PXDNL: variants seen among roughly 807,000 people sequenced by gnomAD.
The protein encoded by PXDNL is peroxidasin like.
A neutral mutation model predicts 150.8 loss-of-function variants in PXDNL; 145 were observed. The observed-to-expected ratio is 0.96, with a 90% CI of 0.84 to 1.10. The LOEUF (loss-of-function observed/expected upper bound fraction) is 1.10, where lower values mean the gene tolerates loss of function less well. Among genes scored for constraint, PXDNL ranks in the 50% least tolerant of loss-of-function variants. PXDNL has a pLI of 0.00. For missense variants in PXDNL, 2,087 were observed against 1,873.9 expected, an observed-to-expected ratio of 1.11 and a Z score of -2.10; for synonymous variants, 757 against 725.7, an observed-to-expected ratio of 1.04 and a Z score of -0.69.
At chr8:51,434,442 G>A (rs573859276) in intron 12 of PXDNL, among the ~76,000 whole-genome samples, 100 of 152,210 alleles carry the variant, frequency 6.6e-4, no homozygotes, top group African/African-American at 2.1e-3. Context: ...TGGAATACAC[G>A]ATATTTACTT....
At chr8:51,615,870 T>C (rs1262584334) in intron 2 of PXDNL, among the ~76,000 whole-genome samples, 3 of 152,216 alleles carry the variant, frequency 2.0e-5, no homozygotes, top group Non-Finnish European at 4.4e-5. Flanking sequence ...CAGTGCATGA[T>C]GACAGTGCAT....
chr8:51,472,141 G>T, intron 8 of PXDNL, 46 bp downstream of exon 8: 1 of 1,243,482 alleles, frequency 8.0e-7, no homozygotes, highest in Non-Finnish European at 1.2e-6. Flanking sequence ...AAAGATTGCT[G>T]GAATCAGAAG....
At chr8:51,326,108 G>T (rs1805476813) in intron 21 of PXDNL, among the ~76,000 whole-genome samples, 1 of 152,128 alleles carries the variant, frequency 6.6e-6, no homozygotes, top group South Asian at 2.1e-4. Flanking sequence ...TGGAGCCCAA[G>T]GTCCCTGATC....
chr8:51,350,021 C>G (rs1356149462), intron 19 of PXDNL, among the ~76,000 whole-genome samples: 5 of 151,990 alleles, frequency 3.3e-5, no homozygotes, highest in Non-Finnish European at 5.9e-5. Context: ...TATGAAACAT[C>G]TCTGTTGTCT....
chr8:51,677,940 AAGG>A (rs1482319849), intron 1 of PXDNL, among the ~76,000 whole-genome samples: 1 of 152,166 alleles, frequency 6.6e-6, no homozygotes, highest in Non-Finnish European at 1.5e-5. Flanking sequence ...CTTCCTCATA[AAGG>A]CTATGATGAG....
chr8:51,675,934 A>G (rs553697712), intron 1 of PXDNL, among the ~76,000 whole-genome samples: 32 of 152,270 alleles, frequency 2.1e-4, no homozygotes, highest in Non-Finnish European at 4.6e-4. Flanking sequence ...AAAGTCACGT[A>G]TATAGATTCA....
chr8:51,420,029 C>G (rs969899604), intron 14 of PXDNL, among the ~76,000 whole-genome samples: 6 of 152,118 alleles, frequency 3.9e-5, no homozygotes, highest in Non-Finnish European at 7.4e-5. Context: ...ATCATAGATG[C>G]CCTGCTATAA....
At chr8:51,534,213 G>C (rs1317693362) in intron 4 of PXDNL, among the ~76,000 whole-genome samples, 1 of 136,618 alleles carries the variant, frequency 7.3e-6, no homozygotes, top group East Asian at 2.3e-4. Context: ...CTGCCCGGCC[G>C]CCCCGTCTGA....
intron 4 of PXDNL, among the ~76,000 whole-genome samples, chr8:51,508,670 G>T (rs915877522): frequency 1.3e-5 from 2 of 152,176 alleles, no homozygotes; most frequent in Admixed American, 6.5e-5. Flanking sequence ...AGGAACATGA[G>T]CACTTTCAGG....
At chr8:51,693,154 C>T (rs759050631) in intron 1 of PXDNL, among the ~76,000 whole-genome samples, 5 of 152,152 alleles carry the variant, frequency 3.3e-5, no homozygotes, top group Non-Finnish European at 7.4e-5. Context: ...TCAATTCTAA[C>T]ATAAAAAGAA....
At chr8:51,776,572 A>T (rs2037356096) in intron 1 of PXDNL, among the ~76,000 whole-genome samples, 1 of 152,106 alleles carries the variant, frequency 6.6e-6, no homozygotes, top group African/African-American at 2.4e-5. Context: ...ACTAAACCTT[A>T]TACAGGCTCC....
chr8:51,567,868 T>C (rs1219494999), intron 3 of PXDNL, among the ~76,000 whole-genome samples: 2 of 151,752 alleles, frequency 1.3e-5, no homozygotes, highest in Admixed American at 6.6e-5. Context: ...TAATACCTAA[T>C]ACAATATAAA....
chr8:51,591,112 AC>A (rs11358506), intron 3 of PXDNL, among the ~76,000 whole-genome samples: 71,949 of 151,802 alleles, frequency 0.47, 21,358 homozygotes, highest in African/African-American at 0.84. Flanking sequence ...AGGGATTTCA[AC>A]CCCCCTTTTT....
intron 19 of PXDNL, among the ~76,000 whole-genome samples, chr8:51,367,876 C>T (rs1806968774): frequency 6.6e-6 from 1 of 152,098 alleles, no homozygotes; most frequent in Non-Finnish European, 1.5e-5. Context: ...GCCTGTAATC[C>T]CAGCATTCTG....
At chr8:51,393,803 A>G (rs529362916) in intron 17 of PXDNL, among the ~76,000 whole-genome samples, 100 of 152,324 alleles carry the variant, frequency 6.6e-4, no homozygotes, top group African/African-American at 2.4e-3. Context: ...AGCCTCTAGA[A>G]GGGGGAAAGA....
At chr8:51,656,413 A>G (rs1165394432) in intron 1 of PXDNL, among the ~76,000 whole-genome samples, 1 of 152,180 alleles carries the variant, frequency 6.6e-6, no homozygotes, top group Non-Finnish European at 1.5e-5. Context: ...TCTAGACTAT[A>G]TCAGTAAAAG....
intron 1 of PXDNL, among the ~76,000 whole-genome samples, chr8:51,780,654 C>CTT (rs71237240): frequency 1.9e-3 from 141 of 75,152 alleles, no homozygotes; most frequent in African/African-American, 4.2e-3. Context: ...CTTTTCTTTT[C>CTT]TTTTTTTTTT....
intron 1 of PXDNL, among the ~76,000 whole-genome samples, chr8:51,686,139 T>C (rs1440654711): frequency 6.6e-6 from 1 of 152,194 alleles, no homozygotes; most frequent in Non-Finnish European, 1.5e-5. Context: ...TCAGTTCTTC[T>C]TCCCAATGGG....
intron 21 of PXDNL, among the ~76,000 whole-genome samples, chr8:51,324,224 A>G (rs1197754095): frequency 6.6e-6 from 1 of 152,204 alleles, no homozygotes; most frequent in East Asian, 1.9e-4. Flanking sequence ...CAGCTGTATC[A>G]TCTGAAAATA....
Sources: gnomAD v4.1 joint callset for allele counts (sites outside exome capture counted in the v4.1 genomes callset) on GRCh38, gnomAD v4.1.1 for gene constraint, MANE v1.5 for transcripts, NCBI Gene and HGNC (gene_info 2026-07-23, HGNC 2026-07-21) for gene names.